The following ABCC4 variants were observed in gnomAD, a reference collection of about 807,000 sequenced individuals.
The protein encoded by ABCC4 is ATP binding cassette subfamily C member 4 (PEL blood group).
In ABCC4, 102 loss-of-function variants were observed where a neutral mutation model predicts 168.5. The observed-to-expected ratio is 0.61, with a 90% CI of 0.52 to 0.71. The LOEUF (loss-of-function observed/expected upper bound fraction) is 0.71. Ranked by LOEUF, ABCC4 falls within the 30% of genes least tolerant of loss-of-function variation. The probability of loss-of-function intolerance (pLI) is 0.00; values close to 1 mark genes in which losing one functional copy is unlikely to be tolerated. For synonymous variants in ABCC4, 617 were observed against 590.7 expected (o/e 1.04, Z -0.65); for missense variants, 1,402 against 1,605.8 (o/e 0.87, Z 2.17).
At chr13:95,073,508 T>A (rs1175252698) in intron 23 of ABCC4, 1 of 387,096 alleles carries the variant, frequency 2.6e-6, no homozygotes, top group Non-Finnish European at 4.6e-6. Flanking sequence ...AATTTTTAGA[T>A]GATTTTATGA....
At chr13:95,087,640 T>C (rs1214318636) in intron 20 of ABCC4, among the ~76,000 whole-genome samples, 1 of 152,198 alleles carries the variant, frequency 6.6e-6, no homozygotes, top group Non-Finnish European at 1.5e-5. Flanking sequence ...TTCTGTCAAA[T>C]CATTATCATT....
chr13:95,141,033 C>T (rs1051864168), intron 19 of ABCC4, among the ~76,000 whole-genome samples: 1 of 152,158 alleles, frequency 6.6e-6, no homozygotes, highest in African/African-American at 2.4e-5. Flanking sequence ...TGAAATAAAA[C>T]CACTACAGGA....
At chr13:95,251,502 T>C (rs1403283111) in intron 1 of ABCC4, among the ~76,000 whole-genome samples, 2 of 152,238 alleles carry the variant, frequency 1.3e-5, no homozygotes, top group African/African-American at 2.4e-5. Flanking sequence ...CAATGGATTA[T>C]GCATTTGCAT....
chr13:95,162,844 A>G (rs1367334980), intron 18 of ABCC4, among the ~76,000 whole-genome samples: 3 of 152,242 alleles, frequency 2.0e-5, no homozygotes, highest in Non-Finnish European at 4.4e-5. Flanking sequence ...CTATTAGAAT[A>G]GACAATAGCC....
At chr13:95,213,135 A>AG (rs2039010409) in intron 4 of ABCC4, among the ~76,000 whole-genome samples, 1 of 151,462 alleles carries the variant, frequency 6.6e-6, no homozygotes, top group African/African-American at 2.4e-5. Context: ...TTAAAAAAAA[A>AG]AAAAGAGGAA....
intron 13 of ABCC4, among the ~76,000 whole-genome samples, chr13:95,171,821 C>T (rs9590193): frequency 0.023 from 3,440 of 152,180 alleles, 127 homozygotes; most frequent in African/African-American, 0.078. Context: ...ATTATTTTTT[C>T]CCCTTTCACA....
At chr13:95,197,086 G>A (rs907647408) in intron 8 of ABCC4, among the ~76,000 whole-genome samples, 5 of 152,266 alleles carry the variant, frequency 3.3e-5, no homozygotes, top group African/African-American at 1.2e-4. Context: ...AGCTGGGACC[G>A]AAACTGAGTT....
chr13:95,206,739 C>A lies in ABCC4; in HGVS notation c.954G>T (p.Gly318=). 4 of 1,614,130 alleles carry A rather than the reference C, an allele frequency of 2.5e-6. No homozygotes were observed. The highest frequency in any genetic ancestry group is 3.4e-6 in the Non-Finnish European group (4 of 1,179,998). Residue 318 remains glycine, a synonymous_variant, in exon 8 of 31, where the codon GGG becomes GGT. Coordinates refer to ENST00000645237, the MANE Select transcript of ABCC4 (RefSeq NM_005845.5). The part of the protein sequence containing the change: ...SKILRSSCLR[G]MNLASFFSAS... ...CACTGAAAAATGAAGCCAAATTCATCCCTCTGAGGCAGGAACTTCTCAGAA... is the reference window on the plus strand; with the variant it reads ...CACTGAAAAATGAAGCCAAATTCATACCTCTGAGGCAGGAACTTCTCAGAA...
chr13:95,179,678 G>T (rs2037825781), intron 11 of ABCC4, among the ~76,000 whole-genome samples: 1 of 152,162 alleles, frequency 6.6e-6, no homozygotes, highest in Non-Finnish European at 1.5e-5. Flanking sequence ...GAACATCGCT[G>T]GGTATTGACT....
At chr13:95,185,429 A>G (rs1272340110) in intron 11 of ABCC4, among the ~76,000 whole-genome samples, 1 of 152,272 alleles carries the variant, frequency 6.6e-6, no homozygotes, top group Non-Finnish European at 1.5e-5. Flanking sequence ...GAAACAGCCC[A>G]TTAAACAAGC....
In ABCC4 at chr13:95,206,631, T is replaced by C. The variant is rs529725108; in HGVS notation, c.1062A>G (p.Ala354=). The C allele has an allele frequency of 6.2e-7, 1 of 1,614,140 alleles. No individual in the cohort carries two copies. The highest frequency in any genetic ancestry group is 1.1e-5 in the South Asian group (1 of 91,082). The change falls in exon 8 of 31, where the codon GCA becomes GCG. Residue 354 remains alanine (A), a synonymous_variant. Transcript: ENST00000645237. ...SVITASRVFV[A]VTLYGAVRLT... is the part of the protein sequence containing the mutation. ...GCCGCACAGCCCCATACAGCGTCACTGCCACGAACACGCGGCTGGCTGTGA... is the reference window on the plus strand; with the variant it reads ...GCCGCACAGCCCCATACAGCGTCACCGCCACGAACACGCGGCTGGCTGTGA...
intron 1 of ABCC4, among the ~76,000 whole-genome samples, chr13:95,276,414 CAAAAAAAAAA>C (rs60996116): frequency 1.1e-5 from 1 of 87,656 alleles, no homozygotes. Context: ...GACCCATCTC[CAAAAAAAAAA>C]AAAAAAAAAG....
At chr13:95,062,406 T>A (rs976765092) in intron 26 of ABCC4, among the ~76,000 whole-genome samples, 1 of 152,024 alleles carries the variant, frequency 6.6e-6, no homozygotes, top group South Asian at 2.1e-4. Flanking sequence ...AAACAATGCA[T>A]CATTTTGTTC....
chr13:95,055,935 C>T (rs1485385661), intron 26 of ABCC4: 1 of 151,914 alleles, frequency 6.6e-6, no homozygotes, highest in Non-Finnish European at 1.5e-5. Context: ...TAAAAATGGC[C>T]GCTCTGAATC....
At position 95,218,979 on chromosome 13, in the gene ABCC4, AAGAAAGAGTG is replaced by A. The variant is rs1161594135; in HGVS notation, c.532-8208_532-8199del. On this transcript the variant is annotated intron_variant, in intron 4 of 30. Coordinates refer to ENST00000645237, the MANE Select transcript of ABCC4 (RefSeq NM_005845.5). Reference sequence around the variant, plus strand: ...AAAGAAAGAAAGAAAGAAAGAAAGAAAGAAAGAGTGAGAAAGAAAGAAAGAGTGAGAAAGA... The same window carrying A: ...AAAGAAAGAAAGAAAGAAAGAAAGAAAGAAAGAAAGAAAGAGTGAGAAAGA... Among the ~76,000 whole-genome samples the A allele has an allele frequency of 1.2e-3, 44 of 37,628 alleles. 2 individuals carry two copies. Among genetic ancestry groups the A allele is most frequent in the Non-Finnish European group, 1.7e-3 (27 of 15,604 alleles). The allele number at this position is 37,628 out of a possible 152,430, so 24.7% of individuals were successfully genotyped here.
intron 4 of ABCC4, among the ~76,000 whole-genome samples, chr13:95,232,125 A>ATGGTGGTGG (rs71111599): frequency 1.3e-5 from 2 of 150,892 alleles, no homozygotes; most frequent in Non-Finnish European, 3.0e-5. Flanking sequence ...GCTGCTGATG[A>ATGGTGGTGG]TGATGGTGGT....
intron 25 of ABCC4, among the ~76,000 whole-genome samples, chr13:95,069,406 AAATTGTGGTAAAAT>A (rs2033652271): frequency 6.6e-6 from 1 of 152,228 alleles, no homozygotes; most frequent in African/African-American, 2.4e-5. Flanking sequence ...CTTTAAAAAA[AAATTGTGGTAAAAT>A]ACACAAAAGG....
At chr13:95,089,762 A>G (rs2034371757) in intron 20 of ABCC4, among the ~76,000 whole-genome samples, 1 of 152,034 alleles carries the variant, frequency 6.6e-6, no homozygotes, top group Non-Finnish European at 1.5e-5. Context: ...GAACCACATG[A>G]TCATATAAAT....
chr13:95,020,036 G>A lies in ABCC4; in HGVS notation c.*1539C>T, dbSNP rs997696753. 3.9e-5 allele frequency: 6 copies of A among 152,074 alleles called. No individual in the cohort carries two copies. The highest frequency in any genetic ancestry group is 2.6e-4 in the Admixed American group (4 of 15,276). The allele number at this position is 152,074 out of a possible 1,614,324, so 9.4% of individuals were successfully genotyped here. The stretch of plus-strand genomic sequence containing the variant: ...ATGCAATTTCAGTCACCTAAAATAC[G>A]AACCATGACTATTAATAAACATTTA... On this transcript the variant is annotated 3_prime_UTR_variant, in exon 31 of 31. Coordinates refer to ENST00000645237, the MANE Select transcript of ABCC4 (RefSeq NM_005845.5).
Sources: gnomAD v4.1 joint callset for allele counts (sites outside exome capture counted in the v4.1 genomes callset) on GRCh38, gnomAD v4.1.1 for gene constraint, MANE v1.5 for transcripts, NCBI Gene and HGNC (gene_info 2026-07-23, HGNC 2026-07-21) for gene names.